The following KTN1 variants were observed in gnomAD, a reference collection of about 807,000 sequenced individuals.
KTN1 encodes kinectin 1.
KTN1 carries 130 observed loss-of-function variants against 222.5 expected under a neutral mutation model. The observed-to-expected ratio is 0.58, with a 90% confidence interval of 0.51 to 0.68. The LOEUF is 0.68. KTN1 is among the 30% of genes least tolerant of loss of function. The pLI is 0.00. For synonymous variants in KTN1, 512 were observed against 496.3 expected (o/e 1.03, Z -0.42); for missense variants, 1,508 against 1,500.4 (o/e 1.01, Z -0.08).
chr14:55,653,724 C>T, intron 28 of KTN1, 128 bp downstream of exon 28: 1 of 646,294 alleles, frequency 1.5e-6, no homozygotes, highest in Non-Finnish European at 2.7e-6. Flanking sequence ...ATTATAATTC[C>T]AGACGCAAAT....
intron 6 of KTN1, among the ~76,000 whole-genome samples, chr14:55,628,826 A>G (rs1429396043): frequency 1.3e-5 from 2 of 152,256 alleles, no homozygotes; most frequent in Non-Finnish European, 2.9e-5. Flanking sequence ...AAAAAATTAA[A>G]AATTAGGATA....
At chr14:55,627,015 A>G (rs563029552) in intron 5 of KTN1, among the ~76,000 whole-genome samples, 33 of 152,292 alleles carry the variant, frequency 2.2e-4, no homozygotes, top group Admixed American at 6.5e-4. Context: ...CTACACATCT[A>G]TGGCACCTCT....
In KTN1 at chr14:55,641,771, T is replaced by C. The variant is rs1156585822; in HGVS notation, c.2172+11T>C. ...CTTGTTTCTGAACAGGTAAGGCTTT[T>C]CCTAAATTACAAAGTAGAAATACTT... On this transcript the variant is annotated intron_variant, in intron 18 of 43. Transcript: ENST00000395314. The C allele has an allele frequency of 2.7e-6, 4 of 1,485,636 alleles. No homozygotes were observed. Among genetic ancestry groups the C allele is most frequent in the Non-Finnish European group, 3.8e-6 (4 of 1,066,086 alleles). 92.0% of individuals were successfully genotyped at this position (1,485,636 alleles called of 1,614,324 possible).
intron 22 of KTN1, 75 bp from the exon 23 acceptor site, chr14:55,650,253 T>A: frequency 1.1e-6 from 1 of 884,676 alleles, no homozygotes; most frequent in Non-Finnish European, 1.8e-6. Flanking sequence ...GCCATTTCAT[T>A]ATTTGGTGCT....
At chr14:55,652,642 G>C (rs941356564) in intron 25 of KTN1, among the ~76,000 whole-genome samples, 1 of 152,012 alleles carries the variant, frequency 6.6e-6, no homozygotes, top group East Asian at 1.9e-4. Context: ...CTTGTGATCC[G>C]CCCGCCTTGG....
chr14:55,580,432 C>A (rs910039052), intron 1 of KTN1, 78 bp downstream of exon 1: 1 of 146,058 alleles, frequency 6.8e-6, no homozygotes, highest in African/African-American at 2.5e-5. Context: ...CCGCGGGGTC[C>A]TGGGGCAGGC....
Position 55,636,384 on chromosome 14 carries a change from T to G in KTN1, c.1462-65T>G, listed in dbSNP as rs2041126809. ...AAAGGTAGAGGATGCTTTTTTTCCC[T>G]CTTTTTCAAAGTAGAAATTCTGTGT... On this transcript the variant is annotated intron_variant, in intron 9 of 43. Transcript: ENST00000395314. 4 of 1,292,414 alleles carry G rather than the reference T, an allele frequency of 3.1e-6. No individual in the cohort carries two copies. In the Admixed American group the frequency reaches 8.3e-5, roughly 27 times the overall value. 80.1% of individuals were successfully genotyped at this position (1,292,414 alleles called of 1,614,324 possible).
chr14:55,670,929 G>A (rs973311730), intron 35 of KTN1, 120 bp downstream of exon 35: 6 of 574,898 alleles, frequency 1.0e-5, no homozygotes, highest in East Asian at 3.1e-5. Context: ...TTGAGAAAGT[G>A]TAAGAAGGTG....
chr14:55,605,575 G>A (rs911438749), intron 1 of KTN1, among the ~76,000 whole-genome samples: 2 of 152,168 alleles, frequency 1.3e-5, no homozygotes, highest in African/African-American at 4.8e-5. Context: ...GATCATGCAA[G>A]TAGTTTGGGC....
At chr14:55,648,719 G>A in intron 20 of KTN1, 83 bp from the exon 21 acceptor site, 1 of 903,178 alleles carries the variant, frequency 1.1e-6, no homozygotes. Context: ...AGCAGCTAAA[G>A]AAATGAGAAA....
At chr14:55,667,907 T>C (rs1244951336) in intron 34 of KTN1, 2 of 88,326 alleles carry the variant, frequency 2.3e-5, no homozygotes, top group Non-Finnish European at 5.6e-5. Flanking sequence ...TGTAGGGTCT[T>C]TTTTTTTTTT....
In KTN1 at chr14:55,663,897, A is replaced by G. The variant is rs558991053; in HGVS notation, c.3091-58A>G. 1.0e-5 allele frequency: 14 copies of G among 1,370,036 alleles called. 1 individual carries two copies. In the South Asian group the frequency reaches 1.2e-4, roughly 12 times the overall value. The allele number at this position is 1,370,036 out of a possible 1,614,324, so 84.9% of individuals were successfully genotyped here. A position where few individuals can be genotyped will look rare whatever the true frequency, so the allele number is the denominator to read the frequency against. ...CAGTGCAAAATACTGATGAAGTAAA[A>G]AAGCAAAAATCTTTCAATAATGGAT... On this transcript the variant is annotated intron_variant, in intron 32 of 43. Coordinates refer to ENST00000395314, the MANE Select transcript of KTN1 (RefSeq NM_001079521.2).
intron 1 of KTN1, among the ~76,000 whole-genome samples, chr14:55,593,920 C>G (rs2034591488): frequency 6.6e-6 from 1 of 152,076 alleles, no homozygotes; most frequent in Non-Finnish European, 1.5e-5. Flanking sequence ...GAACCTTGTT[C>G]TGTTTTGTTG....
chr14:55,588,311 C>G (rs1175937604), intron 1 of KTN1, among the ~76,000 whole-genome samples: 1 of 152,162 alleles, frequency 6.6e-6, no homozygotes, highest in Non-Finnish European at 1.5e-5. Context: ...GATGAATCAT[C>G]TGTCTGAAAC....
At chr14:55,602,585 C>CT (rs565184612) in intron 1 of KTN1, among the ~76,000 whole-genome samples, 14,301 of 144,472 alleles carry the variant, frequency 0.099, 716 homozygotes, top group South Asian at 0.14. Context: ...TCAACACTGT[C>CT]TTTTTTTTTT....
intron 1 of KTN1, among the ~76,000 whole-genome samples, chr14:55,605,454 GC>G (rs1259252598): frequency 3.3e-5 from 5 of 152,096 alleles, no homozygotes; most frequent in African/African-American, 1.2e-4. Flanking sequence ...ACCTTAAGGA[GC>G]CTGGCTTGGG....
At chr14:55,668,849 A>G (rs1333720539) in intron 34 of KTN1, 2 of 152,114 alleles carry the variant, frequency 1.3e-5, no homozygotes, top group Non-Finnish European at 2.9e-5. Flanking sequence ...TGAGTTAAGT[A>G]TAGCCTACAT....
chr14:55,642,456 A>T lies in KTN1; in HGVS notation c.2172+696A>T, dbSNP rs12434799. 2.0e-5 allele frequency among the ~76,000 whole-genome samples: 3 copies of T among 152,040 alleles called. No homozygotes were observed. The East Asian group carries it at 5.8e-4, about 29-fold the overall frequency. On this transcript the variant is annotated intron_variant, in intron 18 of 43. Transcript: ENST00000395314. ...GCCCAGTGGTATCTGTTCTCTGCCT[A>T]TTCCTCAGTGCTGCCTTCGTACTCT... is the stretch of plus-strand genomic sequence containing the variant.
intron 32 of KTN1, chr14:55,662,786 C>G (rs1218855351): frequency 1.6e-5 from 6 of 374,522 alleles, no homozygotes; most frequent in Non-Finnish European, 2.8e-5. Flanking sequence ...ACATGAATTG[C>G]CACTTCTGTG....
Sources: allele counts gnomAD v4.1 joint callset (sites outside exome capture counted in the v4.1 genomes callset), GRCh38; gene constraint gnomAD v4.1.1; transcripts MANE v1.5; gene names NCBI Gene and HGNC (gene_info 2026-07-23, HGNC 2026-07-21).